Variants in SHISA8 observed in about 807,000 individuals in gnomAD.
SHISA8 encodes shisa family member 8.
A neutral mutation model predicts 21.1 loss-of-function variants in SHISA8; 21 were observed. That is an observed-to-expected ratio of 0.99 (90% CI 0.71 to 1.43). The LOEUF (loss-of-function observed/expected upper bound fraction) is 1.43. Among genes scored for constraint, SHISA8 ranks in the 40% most tolerant of loss-of-function variants. SHISA8 has a pLI of 0.00. For missense variants in SHISA8, 535 were observed against 599.1 expected (o/e 0.89, Z 1.12); for synonymous variants, 300 against 291.4 (o/e 1.03, Z -0.30).
At chr22:41,912,599 T>C (rs1207910418) in intron 1 of SHISA8, among the ~76,000 whole-genome samples, 6 of 152,100 alleles carry the variant, frequency 3.9e-5, no homozygotes, top group Non-Finnish European at 8.8e-5. Flanking sequence ...CCAAGCCCTC[T>C]GAGAAGCCTT....
Position 41,914,347 on chromosome 22 carries a change from G to A in SHISA8, c.321C>T (p.Ser107=). The A allele has an allele frequency of 8.0e-7, 1 of 1,252,340 alleles. No individual in the cohort carries two copies. The highest frequency in any genetic ancestry group is 1.0e-6 in the Non-Finnish European group (1 of 997,808). The allele number at this position is 1,252,340 out of a possible 1,614,324, so 77.6% of individuals were successfully genotyped here. ...GPRRLDQSRC[S]NYDTPAWVQT... is the part of the protein sequence containing the mutation. ...GGACCCAGGCCGGCGTGTCGTAGTTGGAACAGCGGCTCTGGTCGAGGCGCC... is the reference window on the plus strand; with the variant it reads ...GGACCCAGGCCGGCGTGTCGTAGTTAGAACAGCGGCTCTGGTCGAGGCGCC... Residue 107 remains serine (S), a synonymous_variant, in exon 1 of 4, where the codon TCC becomes TCT. Coordinates refer to ENST00000621082, the MANE Select transcript of SHISA8 (RefSeq NM_001207020.3). This position sits in a 1 kb window ranked among gnomAD's most constrained non-coding sequence, Gnocchi z 6.8.
At position 41,910,753 on chromosome 22, in the gene SHISA8, C is replaced by A. The variant is rs2077546751; in HGVS notation, c.665-199G>T. ...GGGCCTGGCTCCGAGTCACGCGCAG[C>A]GGCGGCGGCAGCCAGCCCGGGGGGT... On this transcript the variant is annotated intron_variant, in intron 2 of 3. Transcript: ENST00000621082. The surrounding 1 kb of genome is among the most constrained non-coding windows in gnomAD (Gnocchi z 6.8). Among the ~76,000 whole-genome samples, 1 of 152,150 alleles carries A rather than the reference C, an allele frequency of 6.6e-6. No individual in the cohort carries two copies. The highest frequency in any genetic ancestry group is 1.5e-5 in the Non-Finnish European group (1 of 68,004).
chr22:41,912,020 C>T (rs1449067748), intron 1 of SHISA8, among the ~76,000 whole-genome samples: 2 of 152,240 alleles, frequency 1.3e-5, no homozygotes, highest in Admixed American at 6.5e-5. Flanking sequence ...TGTGAGCCAC[C>T]GCGCCCGGCC....
At chr22:41,912,367 G>A (rs923565244) in intron 1 of SHISA8, among the ~76,000 whole-genome samples, 26 of 152,224 alleles carry the variant, frequency 1.7e-4, no homozygotes, top group African/African-American at 6.3e-4. Flanking sequence ...TCATTCAGGA[G>A]GCAGGACACC....
In SHISA8 at chr22:41,910,436, C is replaced by A. The variant is rs2077542220; in HGVS notation, c.783G>T (p.Thr261=). The change falls in exon 3 of 4, where the codon ACG becomes ACT. Residue 261 remains threonine, a synonymous_variant. Transcript: ENST00000621082. The surrounding 1 kb of genome is among the most constrained non-coding windows in gnomAD (Gnocchi z 6.8). The part of the protein sequence containing the change: ...TLQPDYAKYA[T]FKAAALKAAE... ...CGGCCTTGAGCGCGGCGGCCTTGAA[C>A]GTGGCGTACTTGGCGTAGTCTGGCT... The A allele has an allele frequency of 1.5e-6, 2 of 1,359,398 alleles. No homozygotes were observed. The highest frequency in any genetic ancestry group is 6.3e-5 in the East Asian group (2 of 31,898). The allele number at this position is 1,359,398 out of a possible 1,614,324, so 84.2% of individuals were successfully genotyped here. A position where few individuals can be genotyped will look rare whatever the true frequency, so the allele number is the denominator to read the frequency against.
Position 41,914,742 on chromosome 22 carries a change from T to C in SHISA8, c.-75A>G, listed in dbSNP as rs2077576524. The C allele has an allele frequency of 2.1e-6, 2 of 965,476 alleles. No individual in the cohort carries two copies. The highest frequency in any genetic ancestry group is 2.5e-6 in the Non-Finnish European group (2 of 808,790). 59.8% of individuals were successfully genotyped at this position (965,476 alleles called of 1,614,324 possible). Reference sequence around the variant, plus strand: ...GCTCCCTCCGGCTCGGCTCCTCCGCTCCCGCAGGGATCGCGCTGGCTCCCG... The same window carrying C: ...GCTCCCTCCGGCTCGGCTCCTCCGCCCCCGCAGGGATCGCGCTGGCTCCCG... On this transcript the variant is annotated 5_prime_UTR_variant, in exon 1 of 4. Coordinates refer to ENST00000621082, the MANE Select transcript of SHISA8 (RefSeq NM_001207020.3). This position sits in a 1 kb window ranked among gnomAD's most constrained non-coding sequence, Gnocchi z 6.8.
rs1569418306 is a variant in SHISA8, at chr22:41,914,081, C to A, written c.530+57G>T. The A allele has an allele frequency of 6.1e-6, 8 of 1,314,946 alleles. No homozygotes were observed. Among genetic ancestry groups the A allele is most frequent in the East Asian group, 3.2e-5 (1 of 31,590 alleles). 81.5% of individuals were successfully genotyped at this position (1,314,946 alleles called of 1,614,324 possible). On this transcript the variant is annotated intron_variant, in intron 1 of 3. Transcript: ENST00000621082. This position sits in a 1 kb window ranked among gnomAD's most constrained non-coding sequence, Gnocchi z 6.8. Reference sequence around the variant, plus strand: ...CTTCGAGAGCGGCGGGAAGGATCAGCGGGCAGGGAGAGCAGTCCGAGGAGC... The same window carrying A: ...CTTCGAGAGCGGCGGGAAGGATCAGAGGGCAGGGAGAGCAGTCCGAGGAGC...
At chr22:41,911,841 G>C (rs1441102095) in intron 1 of SHISA8, among the ~76,000 whole-genome samples, 2 of 152,160 alleles carry the variant, frequency 1.3e-5, no homozygotes, top group Non-Finnish European at 2.9e-5. Context: ...CACCTCCCCG[G>C]TTCAAGTGAT....
chr22:41,914,695 C>A lies in SHISA8; in HGVS notation c.-28G>T, dbSNP rs1419024156. On this transcript the variant is annotated 5_prime_UTR_variant, in exon 1 of 4. Transcript: ENST00000621082. This position sits in a 1 kb window ranked among gnomAD's most constrained non-coding sequence, Gnocchi z 6.8. ...GGCCCGCGCCTCCCGCTACTGCGCC[C>A]GGTGCATGGCCGGGCGCCGCGGCTC... 1 of 1,015,692 alleles carries A rather than the reference C, an allele frequency of 9.8e-7. No homozygotes were observed. The highest frequency in any genetic ancestry group is 4.6e-5 in the South Asian group (1 of 21,696). The allele number at this position is 1,015,692 out of a possible 1,614,324, so 62.9% of individuals were successfully genotyped here.
At position 41,914,412 on chromosome 22, in the gene SHISA8, C is replaced by A; in HGVS notation, c.256G>T (p.Gly86Cys). The A allele has an allele frequency of 1.5e-6, 2 of 1,348,024 alleles. No individual in the cohort carries two copies. Among genetic ancestry groups the A allele is most frequent in the Admixed American group, 3.1e-5 (1 of 32,592 alleles). 83.5% of individuals were successfully genotyped at this position (1,348,024 alleles called of 1,614,324 possible). The change falls in exon 1 of 4, where the codon GGC (glycine) becomes TGC (cysteine). Residue 86 changes from glycine (G) to cysteine (C), a missense_variant. By Grantham distance (159) the Gly-to-Cys change is radical. Transcript: ENST00000621082. The surrounding 1 kb of genome is among the most constrained non-coding windows in gnomAD (Gnocchi z 6.8). The part of the protein sequence containing the change: ...CSSGAYSFCC[G>C]TCGYRFCCHD... ...CAGCAGAAGCGGTAGCCGCACGTGCCGCAGCAGAAGCTGTAGGCTCCGGAG... is the reference window on the plus strand; with the variant it reads ...CAGCAGAAGCGGTAGCCGCACGTGCAGCAGCAGAAGCTGTAGGCTCCGGAG...
At chr22:41,913,807 G>A (rs949593186) in intron 1 of SHISA8, among the ~76,000 whole-genome samples, 1 of 152,050 alleles carries the variant, frequency 6.6e-6, no homozygotes, top group African/African-American at 2.4e-5. Flanking sequence ...GGCCAGCGGC[G>A]CCCCTTACCC....
At position 41,909,687 on chromosome 22, in the gene SHISA8, G is replaced by C; in HGVS notation, c.*78C>G. On this transcript the variant is annotated 3_prime_UTR_variant, in exon 4 of 4. Transcript: ENST00000621082. The stretch of plus-strand genomic sequence containing the variant: ...CAGAAGAGCTGGCCTTACGGCAGGC[G>C]CTCCTCTCCCTGTGGCCTGAGGCTC... The C allele has an allele frequency of 7.6e-7, 1 of 1,323,682 alleles. No homozygotes were observed. The highest frequency in any genetic ancestry group is 9.6e-7 in the Non-Finnish European group (1 of 1,039,222). The allele number at this position is 1,323,682 out of a possible 1,614,324, so 82.0% of individuals were successfully genotyped here. A position where few individuals can be genotyped will look rare whatever the true frequency, so the allele number is the denominator to read the frequency against.
chr22:41,912,594 C>T (rs2077559650), intron 1 of SHISA8, among the ~76,000 whole-genome samples: 1 of 152,172 alleles, frequency 6.6e-6, no homozygotes. Context: ...CCCGCCCAAG[C>T]CCTCTGAGAA....
chr22:41,909,820 G>A lies in SHISA8; in HGVS notation c.1139C>T (p.Ala380Val). 5 of 1,520,590 alleles carry A rather than the reference G, an allele frequency of 3.3e-6. No homozygotes were observed. In the South Asian group the frequency reaches 4.9e-5, roughly 15 times the overall value. The allele number at this position is 1,520,590 out of a possible 1,614,324, so 94.2% of individuals were successfully genotyped here. A position where few individuals can be genotyped will look rare whatever the true frequency, so the allele number is the denominator to read the frequency against. Residue 380 changes from alanine to valine, a missense_variant, in exon 4 of 4, where the codon GCG becomes GTG. Physicochemically the swap from Ala to Val is moderately conservative, Grantham distance 64 (BLOSUM62 0). Coordinates refer to ENST00000621082, the MANE Select transcript of SHISA8 (RefSeq NM_001207020.3). ...CCTTAGGTACCGGGACCCGCGGCCC[G>A]CGCTGCCGTAAAGGCCGGGGAGCTG... Reference protein sequence around the residue: ...NPQLPGLYGSAGRGSRYLRTN... With the variant: ...NPQLPGLYGSVGRGSRYLRTN...
Position 41,910,350 on chromosome 22 carries a change from C to A in SHISA8, c.811+58G>T. 6.3e-6 allele frequency: 8 copies of A among 1,261,762 alleles called. No individual in the cohort carries two copies. Among genetic ancestry groups the A allele is most frequent in the Non-Finnish European group, 8.0e-6 (8 of 1,003,546 alleles). The allele number at this position is 1,261,762 out of a possible 1,614,324, so 78.2% of individuals were successfully genotyped here. ...CGCTTGGAGCTGCGGCCCCGCGCTT[C>A]GCAGTCCGGGAGCTCGTGCGCCCAG... On this transcript the variant is annotated intron_variant, in intron 3 of 3. Transcript: ENST00000621082. This position sits in a 1 kb window ranked among gnomAD's most constrained non-coding sequence, Gnocchi z 6.8.
Position 41,910,298 on chromosome 22 carries a change from G to A in SHISA8, c.811+110C>T. ...GGGCGAGGGAGCCGATTGGCCGAGC[G>A]GCGGGCGCGCGGAACTGGGAATTTG... On this transcript the variant is annotated intron_variant, in intron 3 of 3. Coordinates refer to ENST00000621082, the MANE Select transcript of SHISA8 (RefSeq NM_001207020.3). This position sits in a 1 kb window ranked among gnomAD's most constrained non-coding sequence, Gnocchi z 6.8. 2 of 1,236,260 alleles carry A rather than the reference G, an allele frequency of 1.6e-6. No homozygotes were observed. The highest frequency in any genetic ancestry group is 2.0e-6 in the Non-Finnish European group (2 of 988,458). 76.6% of individuals were successfully genotyped at this position (1,236,260 alleles called of 1,614,324 possible). A position where few individuals can be genotyped will look rare whatever the true frequency, so the allele number is the denominator to read the frequency against.
chr22:41,913,249 T>C (rs1175923674), intron 1 of SHISA8, among the ~76,000 whole-genome samples: 1 of 152,254 alleles, frequency 6.6e-6, no homozygotes, highest in Non-Finnish European at 1.5e-5. Context: ...TGCCAGGGTA[T>C]GAAGGCTTCT....
Position 41,909,695 on chromosome 22 carries a change from C to G in SHISA8, c.*70G>C. 6.0e-6 allele frequency: 8 copies of G among 1,344,190 alleles called. No homozygotes were observed. The South Asian group carries it at 1.3e-4, about 22-fold the overall frequency. 83.3% of individuals were successfully genotyped at this position (1,344,190 alleles called of 1,614,324 possible). Reference sequence around the variant, plus strand: ...CTGGCCTTACGGCAGGCGCTCCTCTCCCTGTGGCCTGAGGCTCCGACGGGC... The same window carrying G: ...CTGGCCTTACGGCAGGCGCTCCTCTGCCTGTGGCCTGAGGCTCCGACGGGC... On this transcript the variant is annotated 3_prime_UTR_variant, in exon 4 of 4. Transcript: ENST00000621082.
chr22:41,910,251 G>A lies in SHISA8; in HGVS notation c.812-104C>T. 8.2e-7 allele frequency: 1 copy of A among 1,224,920 alleles called. No individual in the cohort carries two copies. Among genetic ancestry groups the A allele is most frequent in the Non-Finnish European group, 1.0e-6 (1 of 982,290 alleles). The allele number at this position is 1,224,920 out of a possible 1,614,324, so 75.9% of individuals were successfully genotyped here. On this transcript the variant is annotated intron_variant, in intron 3 of 3. Coordinates refer to ENST00000621082, the MANE Select transcript of SHISA8 (RefSeq NM_001207020.3). This position sits in a 1 kb window ranked among gnomAD's most constrained non-coding sequence, Gnocchi z 6.8. ...ACTGGGACGGGGACCGGGCCGGGGCGGGCCGGGGGCGGGGCCCGCTGGGGC... is the reference window on the plus strand; with the variant it reads ...ACTGGGACGGGGACCGGGCCGGGGCAGGCCGGGGGCGGGGCCCGCTGGGGC...
Sources: allele counts gnomAD v4.1 joint callset (sites outside exome capture counted in the v4.1 genomes callset), GRCh38; gene constraint gnomAD v4.1.1; non-coding constraint Gnocchi (gnomAD v3.1); transcripts MANE v1.5; gene names NCBI Gene and HGNC (gene_info 2026-07-23, HGNC 2026-07-21).